Variants in CACNA1C observed in about 807,000 individuals in gnomAD.
The protein encoded by CACNA1C is calcium voltage-gated channel subunit alpha1 C, also known as voltage-dependent L-type calcium channel subunit alpha-1C.
A neutral mutation model predicts 229.0 loss-of-function variants in CACNA1C; 30 were observed. The ratio of observed to expected loss-of-function variants is 0.13; its 90% CI spans 0.10 to 0.18. CACNA1C has a LOEUF of 0.18. Among genes scored for constraint, CACNA1C ranks in the 10% least tolerant of loss-of-function variants. The pLI, the probability that CACNA1C is intolerant of heterozygous loss-of-function variation, is 1.00. For missense variants in CACNA1C, 1,658 were observed against 2,845.0 expected (o/e 0.58, Z 9.49); for synonymous variants, 1,114 against 1,132.5 (o/e 0.98, Z 0.33).
At chr12:2,472,009 A>T (rs185669101) in intron 5 of CACNA1C, among the ~76,000 whole-genome samples, 16 of 152,310 alleles carry the variant, frequency 1.1e-4, no homozygotes, top group Admixed American at 2.6e-4. Context: ...CCCTGCACAT[A>T]ATGTTTCTTC....
At chr12:2,593,097 G>A in intron 18 of CACNA1C, 116 bp from the exon 19 acceptor site, 1 of 1,177,340 alleles carries the variant, frequency 8.5e-7, no homozygotes, top group Non-Finnish European at 1.2e-6. Flanking sequence ...GTCTGTCTTG[G>A]TTGGTACCCT....
At chr12:2,021,073 G>A (rs192318422) in intron 1 of CACNA1C, among the ~76,000 whole-genome samples, 34 of 152,266 alleles carry the variant, frequency 2.2e-4, no homozygotes, top group East Asian at 7.7e-4. Context: ...TGGATACTGC[G>A]TTCACAAATG....
In CACNA1C at chr12:2,595,793, G is replaced by T. The variant is rs2067885613; in HGVS notation, c.2664-81G>T. On this transcript the variant is annotated intron_variant, in intron 19 of 46. Transcript: ENST00000399655. This position sits in a 1 kb window ranked among gnomAD's most constrained non-coding sequence, Gnocchi z 4.1. ...TTGCCAGCTGCTGGGGAGAGCTGAG[G>T]AGAGGGGCTCCCAAGAGCCGACTGG... 1 of 1,401,896 alleles carries T rather than the reference G, an allele frequency of 7.1e-7. No individual in the cohort carries two copies. 86.8% of individuals were successfully genotyped at this position (1,401,896 alleles called of 1,614,324 possible).
intron 3 of CACNA1C, among the ~76,000 whole-genome samples, chr12:2,388,319 G>A (rs2098428529): frequency 1.3e-5 from 2 of 152,190 alleles, no homozygotes; most frequent in East Asian, 1.9e-4. Flanking sequence ...TGTGTGGTGG[G>A]CACATGTAAG....
Position 2,608,166 on chromosome 12 carries a change from A to G in CACNA1C, c.3357-345A>G, listed in dbSNP as rs2076166842. 1 of 187,662 alleles carries G rather than the reference A, an allele frequency of 5.3e-6. No individual in the cohort carries two copies. The highest frequency in any genetic ancestry group is 5.8e-5 in the Admixed American group (1 of 17,268). The allele number at this position is 187,662 out of a possible 1,614,324, so 11.6% of individuals were successfully genotyped here. A position where few individuals can be genotyped will look rare whatever the true frequency, so the allele number is the denominator to read the frequency against. On this transcript the variant is annotated intron_variant, in intron 26 of 46. Transcript: ENST00000399655. The surrounding 1 kb of genome is among the most constrained non-coding windows in gnomAD (Gnocchi z 4.2). ...TGCCAGTTTGCAAAGCTGTCTCAAT[A>G]TTTACCAATATTTCCAGTGTTTTAA...
At position 2,207,451 on chromosome 12, in the gene CACNA1C, T is replaced by C. The variant is rs11062155; in HGVS notation, c.477+87021T>C. 0.024 allele frequency among the ~76,000 whole-genome samples: 3,725 copies of C among 152,256 alleles called. 294 individuals carry two copies. In the East Asian group the frequency reaches 0.28, roughly 12 times the overall value. Reference sequence around the variant, plus strand: ...TTAGGAAATACATGATGAAGTGTTTTGGTTACATTTTAGGAAATTGGCTTT... The same window carrying C: ...TTAGGAAATACATGATGAAGTGTTTCGGTTACATTTTAGGAAATTGGCTTT... On this transcript the variant is annotated intron_variant, in intron 3 of 46. Coordinates refer to ENST00000399655, the MANE Select transcript of CACNA1C (RefSeq NM_000719.7).
intron 3 of CACNA1C, among the ~76,000 whole-genome samples, chr12:2,229,054 G>T (rs2063897396): frequency 6.6e-6 from 1 of 152,164 alleles, no homozygotes; most frequent in Admixed American, 6.5e-5. Flanking sequence ...ACTATTAGCG[G>T]GGCAAGTTCT....
intron 13 of CACNA1C, among the ~76,000 whole-genome samples, chr12:2,578,070 GTGTTAGCCAGGA>G (rs1407839923): frequency 4.0e-5 from 6 of 151,740 alleles, no homozygotes; most frequent in African/African-American, 1.5e-4. Context: ...GGGTTTCACC[GTGTTAGCCAGGA>G]TGGTCTCGAT....
intron 3 of CACNA1C, among the ~76,000 whole-genome samples, chr12:2,223,805 T>C (rs1236149527): frequency 6.6e-6 from 1 of 152,166 alleles, no homozygotes; most frequent in Non-Finnish European, 1.5e-5. Flanking sequence ...CATGGTTCCA[T>C]CCCTCAAGAA....
intron 1 of CACNA1C, chr12:1,997,980 A>T: frequency 6.2e-7 from 1 of 1,607,998 alleles, no homozygotes; most frequent in South Asian, 1.1e-5. Context: ...TTTCTCCTAA[A>T]CAATAAAAAC....
chr12:2,342,199 T>C (rs967048045), intron 3 of CACNA1C, among the ~76,000 whole-genome samples: 3 of 152,224 alleles, frequency 2.0e-5, no homozygotes, highest in Non-Finnish European at 2.9e-5. Flanking sequence ...GTCATTGCTG[T>C]GTTGAAGTTA....
In CACNA1C at chr12:2,666,926, CAG is replaced by C; in HGVS notation, c.4623+146_4623+147del. The stretch of plus-strand genomic sequence containing the variant: ...AAGGGTCCTTCCAGCTCTAAATTCT[CAG>C]ACTCTATGAGGGAATAACAGAGTGA... On this transcript the variant is annotated intron_variant, in intron 37 of 46. Transcript: ENST00000399655. The surrounding 1 kb of genome is among the most constrained non-coding windows in gnomAD (Gnocchi z 5.3). 1.5e-6 allele frequency: 1 copy of C among 656,508 alleles called. No individual in the cohort carries two copies. Among genetic ancestry groups the C allele is most frequent in the Non-Finnish European group, 2.8e-6 (1 of 362,000 alleles). 40.7% of individuals were successfully genotyped at this position (656,508 alleles called of 1,614,324 possible). A position where few individuals can be genotyped will look rare whatever the true frequency, so the allele number is the denominator to read the frequency against.
intron 10 of CACNA1C, 100 bp from the exon 11 acceptor site, chr12:2,556,851 A>G: frequency 1.0e-6 from 1 of 974,188 alleles, no homozygotes; most frequent in Non-Finnish European, 1.7e-6. Context: ...CACCCACACG[A>G]AATTACCTGG....
intron 1 of CACNA1C, chr12:1,993,389 G>T: frequency 6.2e-7 from 1 of 1,609,424 alleles, no homozygotes; most frequent in South Asian, 1.1e-5. Flanking sequence ...TGGAGAAGCA[G>T]ACCTAAAAAT....
chr12:2,093,256 C>G (rs2072153343), intron 1 of CACNA1C, among the ~76,000 whole-genome samples: 1 of 152,200 alleles, frequency 6.6e-6, no homozygotes, highest in Admixed American at 6.5e-5. Flanking sequence ...AGGCTAGTGG[C>G]TTCTTGTGGC....
At chr12:2,249,151 C>T (rs1431505513) in intron 3 of CACNA1C, among the ~76,000 whole-genome samples, 1 of 152,186 alleles carries the variant, frequency 6.6e-6, no homozygotes, top group East Asian at 1.9e-4. Context: ...CTTAACAGCT[C>T]TCTGACATTG....
At chr12:2,606,579 A>AT (rs1243973768) in intron 24 of CACNA1C, 32 bp from the exon 25 acceptor site, 2 of 1,569,168 alleles carry the variant, frequency 1.3e-6, no homozygotes, top group Admixed American at 3.6e-5. Flanking sequence ...TGATTACTGA[A>AT]CATCTCTGAT....
Position 2,486,813 on chromosome 12 carries a change from G to C in CACNA1C, c.916+551G>C, listed in dbSNP as rs117745691. The stretch of plus-strand genomic sequence containing the variant: ...ATGCCCCAGAGCCCCTATTCCAGGT[G>C]GGGGAGGAGGGCAGGTGGGAATCAC... On this transcript the variant is annotated intron_variant, in intron 6 of 46. Coordinates refer to ENST00000399655, the MANE Select transcript of CACNA1C (RefSeq NM_000719.7). This position sits in a 1 kb window ranked among gnomAD's most constrained non-coding sequence, Gnocchi z 4.9. Among the ~76,000 whole-genome samples, 612 of 152,300 alleles carry C rather than the reference G, an allele frequency of 4.0e-3. 2 individuals carry two copies. The highest frequency in any genetic ancestry group is 7.1e-3 in the Non-Finnish European group (486 of 68,018).
At chr12:2,298,045 G>A (rs979195898) in intron 3 of CACNA1C, among the ~76,000 whole-genome samples, 1 of 152,208 alleles carries the variant, frequency 6.6e-6, no homozygotes, top group Admixed American at 6.5e-5. Context: ...CGACATCACA[G>A]AGGGTCCAGG....
Sources: allele counts gnomAD v4.1 joint callset (sites outside exome capture counted in the v4.1 genomes callset), GRCh38; gene constraint gnomAD v4.1.1; non-coding constraint Gnocchi (gnomAD v3.1); transcripts MANE v1.5; gene names NCBI Gene and HGNC (gene_info 2026-07-23, HGNC 2026-07-21).